The following SLC2A13 variants were observed in gnomAD, a reference collection of about 807,000 sequenced individuals.
The protein encoded by SLC2A13 is proton myo-inositol cotransporter.
In SLC2A13, 32 loss-of-function variants were observed where a neutral mutation model predicts 64.4. The observed-to-expected ratio is 0.50, with a 90% confidence interval of 0.37 to 0.67. The LOEUF is 0.67. Among genes scored for constraint, SLC2A13 ranks in the 30% least tolerant of loss-of-function variants. The pLI is 0.00. For synonymous variants in SLC2A13, 338 were observed against 327.1 expected, an observed-to-expected ratio of 1.03 and a Z score of -0.36; for missense variants, 743 against 829.2, an observed-to-expected ratio of 0.90 and a Z score of 1.28.
At chr12:39,864,141 A>G (rs1267945767) in intron 6 of SLC2A13, among the ~76,000 whole-genome samples, 1 of 152,192 alleles carries the variant, frequency 6.6e-6, no homozygotes, top group Non-Finnish European at 1.5e-5. Context: ...CAGTCCATCT[A>G]TCCATTTATC....
chr12:39,952,186 A>G (rs1176242359), intron 3 of SLC2A13, among the ~76,000 whole-genome samples: 1 of 152,168 alleles, frequency 6.6e-6, no homozygotes, highest in Non-Finnish European at 1.5e-5. Flanking sequence ...GTCAGGGCAT[A>G]ATTACTAAAT....
At chr12:39,951,101 A>C in intron 4 of SLC2A13, 156 bp downstream of exon 4, 3 of 551,486 alleles carry the variant, frequency 5.4e-6, no homozygotes, top group South Asian at 4.4e-5. Context: ...ACTGGAATTA[A>C]AAAATTGTAA....
At chr12:39,935,142 C>A (rs117596291) in intron 4 of SLC2A13, among the ~76,000 whole-genome samples, 8,673 of 152,216 alleles carry the variant, frequency 0.057, 374 homozygotes, top group Middle Eastern at 0.14. Flanking sequence ...GCAATCCCAA[C>A]ACTTAGGAAG....
intron 1 of SLC2A13, among the ~76,000 whole-genome samples, chr12:40,095,163 C>T (rs767953134): frequency 4.6e-5 from 7 of 152,220 alleles, no homozygotes; most frequent in Admixed American, 1.3e-4. Flanking sequence ...CACTATTATA[C>T]GATTAGATTG....
intron 3 of SLC2A13, among the ~76,000 whole-genome samples, chr12:40,005,935 T>C (rs952864639): frequency 1.3e-5 from 2 of 152,204 alleles, no homozygotes; most frequent in African/African-American, 4.8e-5. Flanking sequence ...TCAGAGAATC[T>C]GATTTCACAG....
intron 1 of SLC2A13, among the ~76,000 whole-genome samples, chr12:40,085,628 A>G (rs888421721): frequency 2.0e-5 from 3 of 152,234 alleles, no homozygotes; most frequent in Non-Finnish European, 4.4e-5. Flanking sequence ...TTATACTCAC[A>G]GTGTCCATTT....
At chr12:40,017,778 C>A (rs1190900448) in intron 3 of SLC2A13, among the ~76,000 whole-genome samples, 1 of 152,078 alleles carries the variant, frequency 6.6e-6, no homozygotes, top group African/African-American at 2.4e-5. Context: ...AAGCAATGTG[C>A]TCTGAGCAGT....
intron 6 of SLC2A13, among the ~76,000 whole-genome samples, chr12:39,837,835 G>A (rs1039109078): frequency 6.6e-6 from 1 of 151,862 alleles, no homozygotes. Context: ...AAAAAGTCAG[G>A]AAACAACAGG....
At chr12:39,873,676 A>G (rs1303559256) in intron 4 of SLC2A13, among the ~76,000 whole-genome samples, 1 of 152,224 alleles carries the variant, frequency 6.6e-6, no homozygotes, top group East Asian at 1.9e-4. Flanking sequence ...TGATGCTTTC[A>G]TTTTCAATAA....
At chr12:40,014,760 T>C (rs1947594397) in intron 3 of SLC2A13, among the ~76,000 whole-genome samples, 1 of 152,234 alleles carries the variant, frequency 6.6e-6, no homozygotes, top group Non-Finnish European at 1.5e-5. Context: ...GCCGAAGTAC[T>C]GGGATTACAG....
chr12:39,890,684 A>T (rs1944584709), intron 4 of SLC2A13, among the ~76,000 whole-genome samples: 1 of 152,124 alleles, frequency 6.6e-6, no homozygotes, highest in South Asian at 2.1e-4. Flanking sequence ...ATCACGTTGT[A>T]CTCCATAAAT....
intron 3 of SLC2A13, among the ~76,000 whole-genome samples, chr12:39,972,062 A>ATTATATATATTTATATTTATATATAAT (rs1555144711): frequency 6.9e-5 from 1 of 14,390 alleles, no homozygotes; most frequent in Non-Finnish European, 1.3e-4. Flanking sequence ...ATATATAAAA[A>ATTATATATATTTATATTTATATATAAT]TTATATATAT....
At chr12:40,073,714 T>C (rs2136272986) in intron 1 of SLC2A13, among the ~76,000 whole-genome samples, 1 of 152,172 alleles carries the variant, frequency 6.6e-6, no homozygotes, top group African/African-American at 2.4e-5. Flanking sequence ...CTCCACTCTC[T>C]TCTTGCTAGC....
chr12:39,986,389 G>A (rs949177393), intron 3 of SLC2A13, among the ~76,000 whole-genome samples: 10 of 152,028 alleles, frequency 6.6e-5, no homozygotes, highest in Admixed American at 5.9e-4. Flanking sequence ...ATTTATCTGA[G>A]CTCTCAATCT....
rs116518875 is a variant in SLC2A13, at chr12:39,808,397, G to A, written c.1445+21706C>T. ...TCCAATTTTGTCCATTATGAATAAG[G>A]CTGCTATAAACGACTGTGTAGAAAC... is the stretch of plus-strand genomic sequence containing the variant. On this transcript the variant is annotated intron_variant, in intron 7 of 9. Coordinates refer to ENST00000280871, the MANE Select transcript of SLC2A13 (RefSeq NM_052885.4). Among the ~76,000 whole-genome samples, 946 of 152,168 alleles carry A rather than the reference G, an allele frequency of 6.2e-3. 7 individuals are homozygous for A. The highest frequency in any genetic ancestry group is 0.022 in the African/African-American group (906 of 41,528).
chr12:39,774,840 A>G (rs10784059), intron 7 of SLC2A13, among the ~76,000 whole-genome samples: 113,602 of 151,952 alleles, frequency 0.75, 43,611 homozygotes, highest in Non-Finnish European at 0.84. Flanking sequence ...TGACTACCTT[A>G]TATACCCCAA....
At chr12:39,888,043 C>G (rs1944512628) in intron 4 of SLC2A13, among the ~76,000 whole-genome samples, 1 of 152,146 alleles carries the variant, frequency 6.6e-6, no homozygotes, top group African/African-American at 2.4e-5. Context: ...ACTGATCTGG[C>G]AGATATCAAC....
In SLC2A13 at chr12:39,906,833, C is replaced by T. The variant is rs12321453; in HGVS notation, c.1035-34872G>A. ...AGATGGTGACAGTAACATTTTTGCC[C>T]AATATCCCTTGAAGTATGAAAACAG... is the stretch of plus-strand genomic sequence containing the variant. On this transcript the variant is annotated intron_variant, in intron 4 of 9. Coordinates refer to ENST00000280871, the MANE Select transcript of SLC2A13 (RefSeq NM_052885.4). 7.8e-3 allele frequency among the ~76,000 whole-genome samples: 1,181 copies of T among 152,088 alleles called. 17 individuals carry two copies. The highest frequency in any genetic ancestry group is 0.027 in the African/African-American group (1,118 of 41,470).
At chr12:39,979,037 T>C (rs1440218393) in intron 3 of SLC2A13, among the ~76,000 whole-genome samples, 1 of 151,428 alleles carries the variant, frequency 6.6e-6, no homozygotes, top group Non-Finnish European at 1.5e-5. Context: ...GCAGCCTAAC[T>C]GGGAGGCACC....
Sources: gnomAD v4.1 joint callset for allele counts (sites outside exome capture counted in the v4.1 genomes callset) on GRCh38, gnomAD v4.1.1 for gene constraint, MANE v1.5 for transcripts, NCBI Gene and HGNC (gene_info 2026-07-23, HGNC 2026-07-21) for gene names.